SYTL3: variants seen among roughly 807,000 people sequenced by gnomAD.
SYTL3 encodes synaptotagmin-like protein 3.
A neutral mutation model predicts 82.1 loss-of-function variants in SYTL3; 88 were observed. The observed-to-expected ratio is 1.07, with a 90% CI of 0.90 to 1.28. The LOEUF (loss-of-function observed/expected upper bound fraction) is 1.28, where lower values mean the gene tolerates loss of function less well. Ranked by LOEUF, SYTL3 falls within the 50% of genes most tolerant of loss-of-function variation. The pLI is 0.00. For missense variants in SYTL3, 831 were observed against 757.6 expected (o/e 1.10, Z -1.14); for synonymous variants, 311 against 289.4 (o/e 1.07, Z -0.76).
chr6:158,672,338 C>T (rs528310287), intron 5 of SYTL3, among the ~76,000 whole-genome samples: 82 of 152,258 alleles, frequency 5.4e-4, no homozygotes, highest in South Asian at 1.0e-3. Context: ...GTATTTTCCA[C>T]GTCATTGCGT....
chr6:158,750,643 G>A (rs981452410), intron 12 of SYTL3, among the ~76,000 whole-genome samples: 4 of 151,892 alleles, frequency 2.6e-5, no homozygotes, highest in African/African-American at 4.8e-5. Context: ...TTCGGGCGTC[G>A]AGTAGCTGGG....
In SYTL3 at chr6:158,725,816, T is replaced by C. The variant is rs1784660891; in HGVS notation, c.855+179T>C. ...AAGGCTTCCACAGGTTTTAGTAAAG[T>C]TGCGTTATCCTCAGGCCTGTGTCTT... is the stretch of plus-strand genomic sequence containing the variant. On this transcript the variant is annotated intron_variant, in intron 11 of 17. Transcript: ENST00000611299. The C allele has an allele frequency of 5.7e-6, 5 of 879,060 alleles. No individual in the cohort carries two copies. In the East Asian group the frequency reaches 1.2e-4, roughly 21 times the overall value. 54.5% of individuals were successfully genotyped at this position (879,060 alleles called of 1,614,324 possible).
At chr6:158,727,999 C>G (rs1784942491) in intron 11 of SYTL3, among the ~76,000 whole-genome samples, 1 of 152,160 alleles carries the variant, frequency 6.6e-6, no homozygotes, top group Non-Finnish European at 1.5e-5. Context: ...CCTTGCTATA[C>G]TTTGAGAGTG....
intron 9 of SYTL3, among the ~76,000 whole-genome samples, chr6:158,716,303 A>G (rs775358433): frequency 6.6e-6 from 1 of 152,168 alleles, no homozygotes; most frequent in African/African-American, 2.4e-5. Context: ...CAAATTTCTC[A>G]AGAAGGCTTG....
intron 1 of SYTL3, among the ~76,000 whole-genome samples, chr6:158,651,015 T>G (rs145646914): frequency 2.8e-4 from 43 of 152,248 alleles, no homozygotes; most frequent in Non-Finnish European, 5.1e-4. Flanking sequence ...TAGTTGGAGA[T>G]TCTAACTTAG....
Position 158,654,470 on chromosome 6 carries a change from C to T in SYTL3, c.-637+2628C>T, listed in dbSNP as rs564463664. Among the ~76,000 whole-genome samples the T allele has an allele frequency of 6.0e-4, 91 of 152,278 alleles. 2 individuals carry two copies. The South Asian group carries it at 0.018, about 29-fold the overall frequency. On this transcript the variant is annotated intron_variant, in intron 2 of 17. Transcript: ENST00000611299. ...ATGACCAGATAAAGACCAATGGAAACACCTAGATTGAAGTTTTCCCCATGG... is the reference window on the plus strand; with the variant it reads ...ATGACCAGATAAAGACCAATGGAAATACCTAGATTGAAGTTTTCCCCATGG...
Position 158,764,737 on chromosome 6 carries a change from C to T in SYTL3, c.*133C>T. ...AGCAGTCTCCATCTGCGGCCCTGTC[C>T]CATGGCTTAACCGCCTATTGGTATC... On this transcript the variant is annotated 3_prime_UTR_variant, in exon 18 of 18. Coordinates refer to ENST00000611299, the MANE Select transcript of SYTL3 (RefSeq NM_001242394.2). 2 of 627,662 alleles carry T rather than the reference C, an allele frequency of 3.2e-6. No individual in the cohort carries two copies. The highest frequency in any genetic ancestry group is 5.7e-6 in the Non-Finnish European group (2 of 348,284). The allele number at this position is 627,662 out of a possible 1,614,324, so 38.9% of individuals were successfully genotyped here.
intron 6 of SYTL3, among the ~76,000 whole-genome samples, chr6:158,692,753 T>A (rs1329742066): frequency 7.1e-6 from 1 of 141,540 alleles, no homozygotes; most frequent in Non-Finnish European, 1.5e-5. Context: ...TTGGCTAACG[T>A]GGTGAAATCC....
At chr6:158,725,666 GT>G (rs768336147) in intron 11 of SYTL3, 29 bp downstream of exon 11, 6 of 968,788 alleles carry the variant, frequency 6.2e-6, no homozygotes, top group Non-Finnish European at 4.6e-6. Context: ...CTCTTTTTTT[GT>G]TTTTTTGTTT....
At chr6:158,757,607 C>CG (rs1562469798) in intron 14 of SYTL3, among the ~76,000 whole-genome samples, 1 of 152,036 alleles carries the variant, frequency 6.6e-6, no homozygotes, top group East Asian at 1.9e-4. Flanking sequence ...GAACAGCCCC[C>CG]GCCTCAGCAT....
chr6:158,707,392 G>T, intron 7 of SYTL3, 111 bp downstream of exon 7: 8 of 779,616 alleles, frequency 1.0e-5, no homozygotes, highest in South Asian at 2.0e-5. Context: ...GCTTTGGAAT[G>T]TGACTCTTTT....
chr6:158,702,620 G>A lies in SYTL3; in HGVS notation c.395-4610G>A, dbSNP rs188421966. The stretch of plus-strand genomic sequence containing the variant: ...GGTTTCCAGGTGGTCGTTTCCCCCC[G>A]GCTTTGTATTAGGAAAATGTTCGAA... On this transcript the variant is annotated intron_variant, in intron 6 of 17. Transcript: ENST00000611299. Among the ~76,000 whole-genome samples the A allele has an allele frequency of 6.6e-5, 10 of 152,030 alleles. No homozygotes were observed. The South Asian group carries it at 1.7e-3, about 25-fold the overall frequency.
Position 158,718,211 on chromosome 6 carries a change from G to A in SYTL3, c.720G>A (p.Arg240=). The change falls in exon 10 of 18, where the codon AGG becomes AGA. Residue 240 remains arginine (R), a splice_region_variant and synonymous_variant. Transcript: ENST00000611299. ...QSDTAVNVTT[R]KVSAPDILKP... is the part of the protein sequence containing the mutation. ...ACACTGCGGTCAACGTCACCACCAGGGTACCCTGAGCCCCACAAGGCCTCC... is the reference window on the plus strand; with the variant it reads ...ACACTGCGGTCAACGTCACCACCAGAGTACCCTGAGCCCCACAAGGCCTCC... 1 of 1,527,478 alleles carries A rather than the reference G, an allele frequency of 6.5e-7. No individual in the cohort carries two copies. 94.6% of individuals were successfully genotyped at this position (1,527,478 alleles called of 1,614,324 possible).
At chr6:158,707,332 A>C in intron 7 of SYTL3, 51 bp downstream of exon 7, 1 of 1,561,484 alleles carries the variant, frequency 6.4e-7, no homozygotes, top group Non-Finnish European at 8.8e-7. Context: ...GCAGGAGCGC[A>C]GAGGACACTC....
chr6:158,700,892 A>G (rs891354755), intron 6 of SYTL3, among the ~76,000 whole-genome samples: 39 of 152,328 alleles, frequency 2.6e-4, no homozygotes, highest in Non-Finnish European at 3.7e-4. Flanking sequence ...CTGGGATTAC[A>G]GGCATGAGCC....
intron 9 of SYTL3, among the ~76,000 whole-genome samples, chr6:158,716,590 C>G (rs1227595356): frequency 1.3e-5 from 2 of 152,134 alleles, no homozygotes; most frequent in Admixed American, 1.3e-4. Flanking sequence ...GATGGCATTG[C>G]TATCAGAGGA....
chr6:158,713,750 C>T (rs1783029155), intron 8 of SYTL3, 50 bp from the exon 9 acceptor site: 1 of 1,391,744 alleles, frequency 7.2e-7, no homozygotes, highest in Non-Finnish European at 1.0e-6. Context: ...CTGAGGCAAA[C>T]ACAAGTCATC....
At chr6:158,728,628 G>A (rs1459594884) in intron 11 of SYTL3, among the ~76,000 whole-genome samples, 1 of 152,096 alleles carries the variant, frequency 6.6e-6, no homozygotes, top group Non-Finnish European at 1.5e-5. Flanking sequence ...TAATTCATTC[G>A]TTCATTCATT....
At chr6:158,646,343 T>A (rs970958509), upstream of SYTL3, among the ~76,000 whole-genome samples, 1 of 152,108 alleles carries the variant, frequency 6.6e-6, no homozygotes, top group Non-Finnish European at 1.5e-5. Flanking sequence ...TTTTTTAATA[T>A]GTCTTTTGTA....
Sources: gnomAD v4.1 joint callset for allele counts (sites outside exome capture counted in the v4.1 genomes callset) on GRCh38, gnomAD v4.1.1 for gene constraint, MANE v1.5 for transcripts, NCBI Gene and HGNC (gene_info 2026-07-23, HGNC 2026-07-21) for gene names.